AMZ1: variants seen among roughly 807,000 people sequenced by gnomAD.
AMZ1 encodes archaemetzincin-1.
AMZ1 carries 39 observed loss-of-function variants against 29.9 expected under a neutral mutation model. The observed-to-expected ratio is 1.30, with a 90% CI of 1.01 to 1.70. The LOEUF is 1.70. Among genes scored for constraint, AMZ1 ranks in the 40% most tolerant of loss-of-function variants. The pLI is 0.00. For missense variants in AMZ1, 1,041 were observed against 680.6 expected, an observed-to-expected ratio of 1.53 and a Z score of -5.89; for synonymous variants, 458 against 304.0, an observed-to-expected ratio of 1.51 and a Z score of -5.27.
At chr7:2,709,976 C>G (rs2115172169) in intron 6 of AMZ1, among the ~76,000 whole-genome samples, 160 bp downstream of exon 6, 1 of 152,348 alleles carries the variant, frequency 6.6e-6, no homozygotes. Flanking sequence ...TGGGGTTGAG[C>G]TCCATCCGGA....
intron 4 of AMZ1, among the ~76,000 whole-genome samples, chr7:2,743,016 G>T (rs142898015): frequency 0.011 from 1,647 of 152,316 alleles, 33 homozygotes; most frequent in African/African-American, 0.037. Flanking sequence ...CATTCAGACA[G>T]AAAGCCTACC....
intron 3 of AMZ1, among the ~76,000 whole-genome samples, chr7:2,708,268 C>G (rs79092688): frequency 1.3e-5 from 2 of 152,166 alleles, no homozygotes; most frequent in Non-Finnish European, 2.9e-5. Context: ...CTGGGGCTGT[C>G]GCTCAGCTGC....
At chr7:2,743,464 C>T (rs967149630) in intron 4 of AMZ1, among the ~76,000 whole-genome samples, 1 of 152,160 alleles carries the variant, frequency 6.6e-6, no homozygotes, top group Non-Finnish European at 1.5e-5. Flanking sequence ...TGGCTTGACA[C>T]AGACTTTAAA....
intron 4 of AMZ1, among the ~76,000 whole-genome samples, chr7:2,743,790 A>G (rs910957785): frequency 1.3e-5 from 2 of 152,166 alleles, no homozygotes; most frequent in Admixed American, 1.3e-4. Context: ...AAGGGGTGAC[A>G]CATAGCACCT....
In AMZ1 at chr7:2,759,543, C is replaced by T. The variant is rs188032194; in HGVS notation, n.551-5169C>T. 8.5e-5 allele frequency among the ~76,000 whole-genome samples: 13 copies of T among 152,308 alleles called. No individual in the cohort carries two copies. The East Asian group carries it at 2.5e-3, about 29-fold the overall frequency. ...AAGTAAAAGGAAAGGAATAATTAGC[C>T]AAATACTAGAATAGTGGTGACGCTG... On this transcript the variant is annotated intron_variant and non_coding_transcript_variant, in intron 4 of 4. Coordinates refer to the AMZ1 transcript ENST00000489665.
In AMZ1 at chr7:2,718,166, C is replaced by T. The variant is rs979142806; in HGVS notation, c.*5288C>T. 2.0e-5 allele frequency among the ~76,000 whole-genome samples: 3 copies of T among 152,192 alleles called. No homozygotes were observed. Among genetic ancestry groups the T allele is most frequent in the Non-Finnish European group, 4.4e-5 (3 of 68,020 alleles). Reference sequence around the variant, plus strand: ...CCTGCTCCCTGGGCTTTTTAATGAACGCACTTCTGTCACATGGAAACTGAG... The same window carrying T: ...CCTGCTCCCTGGGCTTTTTAATGAATGCACTTCTGTCACATGGAAACTGAG... On this transcript the variant is annotated 3_prime_UTR_variant, in exon 7 of 7. Transcript: ENST00000683327.
chr7:2,748,708 T>A (rs1216478720), intron 4 of AMZ1, among the ~76,000 whole-genome samples: 2 of 152,126 alleles, frequency 1.3e-5, no homozygotes, highest in South Asian at 4.1e-4. Context: ...GAAACTACCA[T>A]CAGCATGAAC....
intron 4 of AMZ1, among the ~76,000 whole-genome samples, chr7:2,740,228 T>C: frequency 6.6e-6 from 1 of 152,208 alleles, no homozygotes; most frequent in East Asian, 1.9e-4. Flanking sequence ...TGTATCATCA[T>C]TATAGACTGC....
At chr7:2,737,269 G>GTATTTTTTT (rs1939449465) in intron 4 of AMZ1, among the ~76,000 whole-genome samples, 1 of 38,112 alleles carries the variant, frequency 2.6e-5, no homozygotes, top group African/African-American at 9.4e-5. Flanking sequence ...TCACAGTTTT[G>GTATTTTTTT]TTTTGTTTTT....
intron 4 of AMZ1, among the ~76,000 whole-genome samples, chr7:2,756,111 A>G (rs1791280140): frequency 2.0e-5 from 3 of 152,246 alleles, no homozygotes; most frequent in Admixed American, 6.5e-5. Flanking sequence ...ATATGGATCA[A>G]CCGAATAGAA....
At chr7:2,698,620 T>C (rs1787876369) in intron 1 of AMZ1, among the ~76,000 whole-genome samples, 1 of 152,050 alleles carries the variant, frequency 6.6e-6, no homozygotes, top group African/African-American at 2.4e-5. Context: ...GAGGATTGCT[T>C]GAGCCCAGGA....
At chr7:2,706,087 C>A (rs548963153) in intron 3 of AMZ1, among the ~76,000 whole-genome samples, 27 of 152,196 alleles carry the variant, frequency 1.8e-4, no homozygotes, top group African/African-American at 6.5e-4. Flanking sequence ...GGGGAGCCCT[C>A]GGGAAAAGGA....
At position 2,717,135 on chromosome 7, in the gene AMZ1, C is replaced by G. The variant is rs1789172134; in HGVS notation, c.*4257C>G. Among the ~76,000 whole-genome samples the G allele has an allele frequency of 6.6e-6, 1 of 152,212 alleles. No homozygotes were observed. The highest frequency in any genetic ancestry group is 6.5e-5 in the Admixed American group (1 of 15,288). ...CTGGCCCGTGCAGCTCCTTCGGACTCTGAGGAGAGGCCTGGGTGGGTGGCC... is the reference window on the plus strand; with the variant it reads ...CTGGCCCGTGCAGCTCCTTCGGACTGTGAGGAGAGGCCTGGGTGGGTGGCC... On this transcript the variant is annotated 3_prime_UTR_variant, in exon 7 of 7. Transcript: ENST00000683327.
intron 3 of AMZ1, among the ~76,000 whole-genome samples, chr7:2,706,242 C>T (rs1004922592): frequency 6.6e-6 from 1 of 152,320 alleles, no homozygotes. Context: ...GTGGTGCGAT[C>T]ATAGCTCCCT....
At chr7:2,682,491 G>T (rs1786918804) in intron 1 of AMZ1, among the ~76,000 whole-genome samples, 1 of 152,122 alleles carries the variant, frequency 6.6e-6, no homozygotes, top group Admixed American at 6.5e-5. Context: ...GGAGGCACGG[G>T]CACGGAGCCC....
rs566654925 is a variant in AMZ1, at chr7:2,713,843, G to C, written c.*965G>C. ...CAACTGTGGTGATGTTTTTGGGACA[G>C]TTTCTTGGCAAAGGTGGCCGCGCTG... On this transcript the variant is annotated 3_prime_UTR_variant, in exon 7 of 7. Transcript: ENST00000683327. 2 of 152,492 alleles carry C rather than the reference G, an allele frequency of 1.3e-5. No homozygotes were observed. The highest frequency in any genetic ancestry group is 4.1e-4 in the South Asian group (2 of 4,828). The allele number at this position is 152,492 out of a possible 1,614,324, so 9.4% of individuals were successfully genotyped here. A position where few individuals can be genotyped will look rare whatever the true frequency, so the allele number is the denominator to read the frequency against.
At chr7:2,707,146 G>C (rs1052849049) in intron 3 of AMZ1, among the ~76,000 whole-genome samples, 35 of 152,056 alleles carry the variant, frequency 2.3e-4, no homozygotes, top group Admixed American at 1.2e-3. Flanking sequence ...GATGGCACGT[G>C]CCTGTAATCC....
intron 1 of AMZ1, among the ~76,000 whole-genome samples, chr7:2,688,578 C>T (rs887452): frequency 0.021 from 3,129 of 152,294 alleles, 68 homozygotes; most frequent in Admixed American, 0.068. Context: ...TCCCCGCCAT[C>T]CTCTCCCAGG....
chr7:2,700,212 C>T, intron 1 of AMZ1, 22 bp from the exon 2 acceptor site: 1 of 570,076 alleles, frequency 1.8e-6, no homozygotes, highest in Middle Eastern at 4.7e-4. Flanking sequence ...AGTGAGGGGA[C>T]CCCTGTTCGT....
Sources: allele counts gnomAD v4.1 joint callset (sites outside exome capture counted in the v4.1 genomes callset), GRCh38; gene constraint gnomAD v4.1.1; transcripts MANE v1.5; gene names NCBI Gene and HGNC (gene_info 2026-07-23, HGNC 2026-07-21).